VPS13B: variants seen among roughly 807,000 people sequenced by gnomAD.
VPS13B encodes the protein intermembrane lipid transfer protein VPS13B.
In VPS13B, 285 loss-of-function variants were observed where a neutral mutation model predicts 426.4. The ratio of observed to expected loss-of-function variants is 0.67; its 90% confidence interval spans 0.61 to 0.74. VPS13B has a LOEUF of 0.74. Among genes scored for constraint, VPS13B ranks in the 30% least tolerant of loss-of-function variants. The pLI is 0.00. For synonymous variants in VPS13B, 1,676 were observed against 1,676.4 expected, an observed-to-expected ratio of 1.00 and a Z score of 0.01; for missense variants, 4,537 against 4,782.6, an observed-to-expected ratio of 0.95 and a Z score of 1.51.
chr8:99,414,049 TG>T (rs1290447013), intron 21 of VPS13B, among the ~76,000 whole-genome samples: 1 of 152,172 alleles, frequency 6.6e-6, no homozygotes, highest in Non-Finnish European at 1.5e-5. Context: ...CCACTATTAT[TG>T]TGTGGGAGTC....
intron 2 of VPS13B, among the ~76,000 whole-genome samples, chr8:99,034,780 C>A (rs1041459849): frequency 1.3e-5 from 2 of 152,152 alleles, no homozygotes; most frequent in African/African-American, 4.8e-5. Context: ...CAACTTTGTC[C>A]TGTTTTGTCA....
chr8:99,456,969 T>G (rs1818494569), intron 23 of VPS13B, among the ~76,000 whole-genome samples: 1 of 152,150 alleles, frequency 6.6e-6, no homozygotes, highest in South Asian at 2.1e-4. Flanking sequence ...TTTAATTTCT[T>G]TGTTATAGGT....
chr8:99,617,245 T>G (rs765066663), intron 33 of VPS13B, among the ~76,000 whole-genome samples: 2 of 152,220 alleles, frequency 1.3e-5, no homozygotes, highest in Non-Finnish European at 2.9e-5. Flanking sequence ...GAAGGTTGAT[T>G]GTGTGAAACA....
intron 21 of VPS13B, among the ~76,000 whole-genome samples, chr8:99,392,273 AGTAT>A (rs1361362666): frequency 1.3e-5 from 2 of 152,172 alleles, no homozygotes; most frequent in African/African-American, 4.8e-5. Flanking sequence ...GTAAATATAA[AGTAT>A]AACTATCCTT....
chr8:99,100,120 T>C (rs1846651767), intron 4 of VPS13B, among the ~76,000 whole-genome samples: 1 of 152,204 alleles, frequency 6.6e-6, no homozygotes, highest in Non-Finnish European at 1.5e-5. Context: ...GTTTGTCATT[T>C]ATTCCACTGA....
intron 17 of VPS13B, among the ~76,000 whole-genome samples, chr8:99,247,237 GTCA>G (rs1817273622): frequency 6.6e-6 from 1 of 151,994 alleles, no homozygotes; most frequent in South Asian, 2.1e-4. Flanking sequence ...ATATTACCAA[GTCA>G]TCATTTTATA....
Position 99,784,413 on chromosome 8 carries a change from A to T in VPS13B, c.7878A>T (p.Glu2626Asp), listed in dbSNP as rs1163159851. 6.2e-7 allele frequency: 1 copy of T among 1,613,752 alleles called. No individual in the cohort carries two copies. The stretch of plus-strand genomic sequence containing the variant: ...GGTTTGGCCAGGTGGATACTGATGA[A>T]AATATTCTGCTGGCGAGTCTCCACA... Reference protein sequence around the residue: ...TLRFGQVDTDENILLASLHSH... With the variant: ...TLRFGQVDTDDNILLASLHSH... The change falls in exon 43 of 62, where the codon GAA (glutamate) becomes GAT (aspartate). Residue 2626 changes from glutamate (E) to aspartate (D), a missense_variant. Physicochemically the swap from Glu to Asp is conservative, Grantham distance 45 (BLOSUM62 2). Coordinates refer to ENST00000357162, the MANE Select transcript of VPS13B (RefSeq NM_152564.5).
intron 3 of VPS13B, among the ~76,000 whole-genome samples, chr8:99,071,570 G>C (rs1358533215): frequency 6.6e-6 from 1 of 152,150 alleles, no homozygotes; most frequent in Non-Finnish European, 1.5e-5. Context: ...AGTGACCACT[G>C]TGTGGCTACT....
chr8:99,140,869 G>C (rs1311047924), intron 12 of VPS13B, among the ~76,000 whole-genome samples: 2 of 151,818 alleles, frequency 1.3e-5, no homozygotes, highest in Non-Finnish European at 2.9e-5. Flanking sequence ...TTTTTTTATG[G>C]TACTTGAAAG....
At chr8:99,655,369 T>C (rs1250304306) in intron 34 of VPS13B, among the ~76,000 whole-genome samples, 1 of 152,202 alleles carries the variant, frequency 6.6e-6, no homozygotes, top group Non-Finnish European at 1.5e-5. Flanking sequence ...ATATCTATTA[T>C]AAAAGGGACC....
At chr8:99,179,487 C>A (rs1475489764) in intron 16 of VPS13B, among the ~76,000 whole-genome samples, 1 of 152,122 alleles carries the variant, frequency 6.6e-6, no homozygotes, top group African/African-American at 2.4e-5. Flanking sequence ...TCTCCTTTTA[C>A]CAAATTGTTC....
At position 99,306,663 on chromosome 8, in the gene VPS13B, T is replaced by C. The variant is rs1197008007; in HGVS notation, c.2824+31409T>C. Among the ~76,000 whole-genome samples, 2 of 152,142 alleles carry C rather than the reference T, an allele frequency of 1.3e-5. 1 individual carries two copies. On this transcript the variant is annotated intron_variant, in intron 19 of 61. Transcript: ENST00000357162. ...GCTATTGGTGGAACAAATTAAACTT[T>C]CACTGGTTGAGGGCTTACACCTACA... is the stretch of plus-strand genomic sequence containing the variant.
chr8:99,059,706 CTTTTGTT>C (rs1844073759), intron 3 of VPS13B, among the ~76,000 whole-genome samples: 1 of 139,712 alleles, frequency 7.2e-6, no homozygotes, highest in African/African-American at 2.6e-5. Context: ...GGATACTAAA[CTTTTGTT>C]TTAGGTTTAG....
chr8:99,340,534 G>A (rs1811183967), intron 19 of VPS13B: 1 of 474,356 alleles, frequency 2.1e-6, no homozygotes, highest in Admixed American at 2.4e-5. Flanking sequence ...AATGTGAAGG[G>A]GGTGGAGGTG....
At chr8:99,164,193 T>C (rs1248448930) in intron 15 of VPS13B, among the ~76,000 whole-genome samples, 2 of 152,058 alleles carry the variant, frequency 1.3e-5, no homozygotes, top group African/African-American at 4.8e-5. Flanking sequence ...TGTTGCTTGA[T>C]GGTCTCGATT....
chr8:99,436,712 C>A (rs1215789899), intron 22 of VPS13B, among the ~76,000 whole-genome samples: 1 of 151,992 alleles, frequency 6.6e-6, no homozygotes, highest in South Asian at 2.1e-4. Flanking sequence ...ACAATTTAGA[C>A]TGTGAAAATC....
chr8:99,244,342 G>A (rs1408185671), intron 17 of VPS13B, among the ~76,000 whole-genome samples: 2 of 152,162 alleles, frequency 1.3e-5, no homozygotes, highest in African/African-American at 2.4e-5. Context: ...TATTAAAAAA[G>A]CAATGAACCC....
chr8:99,585,825 T>G (rs1008052637), intron 33 of VPS13B, among the ~76,000 whole-genome samples: 8 of 152,134 alleles, frequency 5.3e-5, no homozygotes, highest in African/African-American at 1.9e-4. Flanking sequence ...GAAGTTCTAG[T>G]TGGAGTAGTT....
intron 33 of VPS13B, among the ~76,000 whole-genome samples, chr8:99,617,813 G>A (rs902859329): frequency 6.6e-6 from 1 of 152,118 alleles, no homozygotes; most frequent in Admixed American, 6.6e-5. Flanking sequence ...GTTTTAAGAT[G>A]GCAAAGTGTA....
Sources: gnomAD v4.1 joint callset for allele counts (sites outside exome capture counted in the v4.1 genomes callset) on GRCh38, gnomAD v4.1.1 for gene constraint, MANE v1.5 for transcripts, NCBI Gene and HGNC (gene_info 2026-07-23, HGNC 2026-07-21) for gene names.